The following ATG10 variants were observed in gnomAD, a reference collection of about 807,000 sequenced individuals.
ATG10 encodes the protein ubiquitin-like-conjugating enzyme ATG10.
In ATG10, 30 loss-of-function variants were observed where a neutral mutation model predicts 32.1. The observed-to-expected ratio is 0.94, with a 90% CI of 0.70 to 1.27. The LOEUF is 1.27. Among genes scored for constraint, ATG10 ranks in the 50% most tolerant of loss-of-function variants. The pLI is 0.00. For missense variants in ATG10, 233 were observed against 262.3 expected (o/e 0.89, Z 0.77); for synonymous variants, 87 against 91.5 (o/e 0.95, Z 0.28).
chr5:82,221,195 C>A (rs1745912067), intron 5 of ATG10, among the ~76,000 whole-genome samples: 1 of 152,192 alleles, frequency 6.6e-6, no homozygotes, highest in South Asian at 2.1e-4. Flanking sequence ...CCCTTCTGGG[C>A]CCTGTGATGC....
chr5:82,226,100 C>T (rs1426484792), intron 5 of ATG10, among the ~76,000 whole-genome samples: 3 of 152,170 alleles, frequency 2.0e-5, no homozygotes, highest in Non-Finnish European at 2.9e-5. Flanking sequence ...GTTTTTATAA[C>T]AGGCAGTTTC....
chr5:82,036,813 A>G (rs530547748), intron 2 of ATG10, among the ~76,000 whole-genome samples: 2 of 152,088 alleles, frequency 1.3e-5, no homozygotes, highest in South Asian at 2.1e-4. Flanking sequence ...TATTTGACAT[A>G]TAACTCTCTT....
chr5:82,128,483 G>T (rs1328607280), intron 3 of ATG10, among the ~76,000 whole-genome samples: 1 of 151,880 alleles, frequency 6.6e-6, no homozygotes. Flanking sequence ...GGCAGGCCTG[G>T]TGGTGACAAA....
chr5:82,016,437 A>ACTG (rs1484368129), intron 2 of ATG10, among the ~76,000 whole-genome samples: 2 of 151,970 alleles, frequency 1.3e-5, no homozygotes, highest in African/African-American at 4.8e-5. Context: ...CTGTTGGTCT[A>ACTG]TAGGCTTATT....
At chr5:82,067,115 G>T (rs1257306428) in intron 3 of ATG10, among the ~76,000 whole-genome samples, 1 of 152,118 alleles carries the variant, frequency 6.6e-6, no homozygotes, top group Non-Finnish European at 1.5e-5. Context: ...AACTGTGAAT[G>T]TAGCAGACCC....
At chr5:82,075,246 G>A (rs1764239612) in intron 3 of ATG10, among the ~76,000 whole-genome samples, 1 of 152,178 alleles carries the variant, frequency 6.6e-6, no homozygotes, top group South Asian at 2.1e-4. Context: ...AAGGCAGACG[G>A]TTGGAAAATA....
chr5:81,996,671 A>G (rs1561246043), intron 2 of ATG10, among the ~76,000 whole-genome samples: 1 of 152,236 alleles, frequency 6.6e-6, no homozygotes, highest in African/African-American at 2.4e-5. Context: ...TGCTGAAGGT[A>G]GGTTAAGTTT....
chr5:82,227,527 A>G, intron 5 of ATG10, among the ~76,000 whole-genome samples: 1 of 152,032 alleles, frequency 6.6e-6, no homozygotes, highest in South Asian at 2.1e-4. Context: ...GGCGCCTGCC[A>G]CCATAACTAG....
chr5:82,067,846 A>G (rs1223687893), intron 3 of ATG10, among the ~76,000 whole-genome samples: 1 of 152,212 alleles, frequency 6.6e-6, no homozygotes, highest in African/African-American at 2.4e-5. Context: ...GCAGTAAGTT[A>G]TATCAGAAAG....
At chr5:82,154,984 GTCC>G (rs553898427) in intron 3 of ATG10, among the ~76,000 whole-genome samples, 21 of 152,174 alleles carry the variant, frequency 1.4e-4, no homozygotes, top group Non-Finnish European at 1.9e-4. Flanking sequence ...AGGATTCACA[GTCC>G]TCTAACATTC....
chr5:82,059,601 A>G (rs574411429), intron 3 of ATG10, among the ~76,000 whole-genome samples: 1 of 152,284 alleles, frequency 6.6e-6, no homozygotes, highest in Admixed American at 6.5e-5. Flanking sequence ...TTTCAGCACA[A>G]AAGAAGAAAT....
intron 2 of ATG10, among the ~76,000 whole-genome samples, chr5:82,038,693 TC>T (rs1190216554): frequency 6.6e-6 from 1 of 152,174 alleles, no homozygotes; most frequent in Non-Finnish European, 1.5e-5. Flanking sequence ...TTGTTGTTGC[TC>T]CCATACTGTC....
At chr5:82,070,595 G>C (rs1324206327) in intron 3 of ATG10, among the ~76,000 whole-genome samples, 1 of 151,972 alleles carries the variant, frequency 6.6e-6, no homozygotes, top group Admixed American at 6.6e-5. Flanking sequence ...TTTGTCTCAA[G>C]GTCCTCAATG....
intron 3 of ATG10, among the ~76,000 whole-genome samples, chr5:82,087,684 T>C (rs2149789660): frequency 6.6e-6 from 1 of 152,286 alleles, no homozygotes; most frequent in East Asian, 1.9e-4. Flanking sequence ...ACTAGTTTGA[T>C]AGGACAGTTA....
At chr5:82,164,860 T>C (rs1472314556) in intron 4 of ATG10, among the ~76,000 whole-genome samples, 1 of 152,264 alleles carries the variant, frequency 6.6e-6, no homozygotes, top group Non-Finnish European at 1.5e-5. Flanking sequence ...TATTTACTTC[T>C]AACTTTACAG....
intron 4 of ATG10, among the ~76,000 whole-genome samples, chr5:82,170,850 G>A (rs4081859): frequency 0.8 from 121,616 of 151,932 alleles, 49,002 homozygotes; most frequent in East Asian, 0.99. Flanking sequence ...TGGGAGGGTG[G>A]GGTGGAAAAT....
chr5:82,025,512 G>A (rs888625713), intron 2 of ATG10, among the ~76,000 whole-genome samples: 1 of 152,180 alleles, frequency 6.6e-6, no homozygotes, highest in African/African-American at 2.4e-5. Context: ...AATGTGCTGA[G>A]CCTGGGGGAG....
chr5:82,075,564 A>G (rs1330630100), intron 3 of ATG10, among the ~76,000 whole-genome samples: 1 of 152,208 alleles, frequency 6.6e-6, no homozygotes, highest in Admixed American at 6.5e-5. Flanking sequence ...GTTATTGCAT[A>G]GTTCATCACT....
chr5:82,250,460 C>T (rs1747210456), intron 5 of ATG10, among the ~76,000 whole-genome samples: 1 of 152,122 alleles, frequency 6.6e-6, no homozygotes, highest in South Asian at 2.1e-4. Context: ...GGACCCGTTT[C>T]CTATTTCATA....
Sources: gnomAD v4.1 joint callset for allele counts (sites outside exome capture counted in the v4.1 genomes callset) on GRCh38, gnomAD v4.1.1 for gene constraint, MANE v1.5 for transcripts, NCBI Gene and HGNC (gene_info 2026-07-23, HGNC 2026-07-21) for gene names.